HEATR5B: variants seen among roughly 807,000 people sequenced by gnomAD.
The protein encoded by HEATR5B is HEAT repeat-containing protein 5B.
In HEATR5B, 156 loss-of-function variants were observed where a neutral mutation model predicts 224.1. The observed-to-expected ratio is 0.70, with a 90% confidence interval of 0.61 to 0.80. HEATR5B has a LOEUF of 0.80. Among genes scored for constraint, HEATR5B ranks in the 30% least tolerant of loss-of-function variants. HEATR5B has a pLI of 0.00. For synonymous variants in HEATR5B, 1,027 were observed against 893.0 expected (o/e 1.15, Z -2.68); for missense variants, 2,323 against 2,535.5 (o/e 0.92, Z 1.80).
chr2:37,079,744 G>A (rs1376329201), intron 2 of HEATR5B, among the ~76,000 whole-genome samples: 2 of 151,956 alleles, frequency 1.3e-5, no homozygotes, highest in African/African-American at 4.8e-5. Context: ...GAAACCAAAA[G>A]AAACTGAAGA....
At chr2:37,037,521 A>G (rs1315866600) in intron 21 of HEATR5B, among the ~76,000 whole-genome samples, 3 of 152,200 alleles carry the variant, frequency 2.0e-5, no homozygotes, top group Non-Finnish European at 4.4e-5. Context: ...ACACCAGTGA[A>G]TAAAATGAAT....
chr2:37,003,172 C>G (rs1431635961), intron 31 of HEATR5B, among the ~76,000 whole-genome samples: 3 of 148,562 alleles, frequency 2.0e-5, no homozygotes, highest in Non-Finnish European at 4.4e-5. Flanking sequence ...GGAAGATCAC[C>G]TGATCCTGGG....
chr2:37,038,384 C>T (rs1322588486), intron 20 of HEATR5B, among the ~76,000 whole-genome samples: 1 of 152,168 alleles, frequency 6.6e-6, no homozygotes. Context: ...AAATGATCCA[C>T]CCGCCGTGGC....
chr2:37,011,901 A>G (rs1667811579), intron 27 of HEATR5B, among the ~76,000 whole-genome samples: 1 of 152,196 alleles, frequency 6.6e-6, no homozygotes, highest in Admixed American at 6.5e-5. Context: ...AAATGGAATC[A>G]CTGGGTCAGT....
At chr2:37,019,082 CG>C in intron 26 of HEATR5B, among the ~76,000 whole-genome samples, 1 of 151,858 alleles carries the variant, frequency 6.6e-6, no homozygotes, top group Non-Finnish European at 1.5e-5. Context: ...TGCTTGAACC[CG>C]GGAGGCGGAG....
In HEATR5B at chr2:37,002,289, A is replaced by G. The variant is rs753510202; in HGVS notation, c.5317+17T>C. 2 of 1,613,858 alleles carry G rather than the reference A, an allele frequency of 1.2e-6. No homozygotes were observed. Among genetic ancestry groups the G allele is most frequent in the Non-Finnish European group, 1.7e-6 (2 of 1,179,702 alleles). ...ACTGTAATATAATGCATTTCCAAAT[A>G]CTGATCAATACCGTACCAGCGGGTG... On this transcript the variant is annotated intron_variant, in intron 32 of 35. Transcript: ENST00000233099.
chr2:37,065,525 T>C (rs1671536013), intron 9 of HEATR5B, among the ~76,000 whole-genome samples: 1 of 152,132 alleles, frequency 6.6e-6, no homozygotes. Context: ...ACCAGGATGG[T>C]CTTGAACTCC....
chr2:37,036,177 T>C (rs568631176), intron 21 of HEATR5B, among the ~76,000 whole-genome samples: 1 of 152,114 alleles, frequency 6.6e-6, no homozygotes, highest in South Asian at 2.1e-4. Context: ...AAAGTGCAAA[T>C]CTCATTATGT....
rs775150337 is a variant in HEATR5B, at chr2:37,053,607, T to C, written c.2400A>G (p.Arg800=). The C allele has an allele frequency of 6.3e-7, 1 of 1,579,046 alleles. No homozygotes were observed. Among genetic ancestry groups the C allele is most frequent in the African/African-American group, 1.4e-5 (1 of 73,886 alleles). ...VVFPHVSYKH[R]LQMLDHFAEC... is the part of the protein sequence containing the mutation. ...CAGCAAAGTGATCCAACATTTGTAA[T>C]CTATAACAATAAGAAAAAAAAATCA... The change falls in exon 17 of 36, where the codon CGA becomes CGG. Residue 800 remains arginine, a splice_region_variant and synonymous_variant. Transcript: ENST00000233099.
chr2:37,069,903 T>TC (rs1378318027), intron 7 of HEATR5B, among the ~76,000 whole-genome samples: 83 of 150,598 alleles, frequency 5.5e-4, no homozygotes, highest in Non-Finnish European at 8.7e-4. Flanking sequence ...ACAAAATCTT[T>TC]TTTTTTTTTT....
At chr2:37,032,430 T>C (rs888082916) in intron 22 of HEATR5B, among the ~76,000 whole-genome samples, 199 bp downstream of exon 22, 1 of 152,054 alleles carries the variant, frequency 6.6e-6, no homozygotes, top group Non-Finnish European at 1.5e-5. Context: ...TATGCCCAAC[T>C]TGCAAAAATT....
chr2:37,007,337 CTTTTTTTTTTT>C lies in HEATR5B; in HGVS notation c.4523-44_4523-34del, dbSNP rs3080796. 1.4e-4 allele frequency: 169 copies of C among 1,176,102 alleles called. 1 individual carries two copies. Among genetic ancestry groups the C allele is most frequent in the African/African-American group, 1.3e-3 (60 of 46,222 alleles). The allele number at this position is 1,176,102 out of a possible 1,614,324, so 72.9% of individuals were successfully genotyped here. Reference sequence around the variant, plus strand: ...GCAATCAAATCAATTAAAAACATTACTTTTTTTTTTTTTTTTTTTTTTTTGAGACCAAGTCT... The same window carrying C: ...GCAATCAAATCAATTAAAAACATTACTTTTTTTTTTTTTGAGACCAAGTCT... On this transcript the variant is annotated intron_variant, in intron 28 of 35. Coordinates refer to ENST00000233099, the MANE Select transcript of HEATR5B (RefSeq NM_019024.3).
intron 4 of HEATR5B, 113 bp from the exon 5 acceptor site, chr2:37,075,747 C>T (rs146143837): frequency 0.014 from 8,203 of 607,470 alleles, 88 homozygotes; most frequent in Non-Finnish European, 0.019. Flanking sequence ...AAATTATAAA[C>T]GGTAAATAAT....
chr2:37,079,169 C>T lies in HEATR5B; in HGVS notation c.289G>A (p.Asp97Asn), dbSNP rs1389727064. ...GTGTCATCTTTATTTCTGATAATGT[C>T]ATTGCATTTATCAAGTGTCTGAAAA... The part of the protein sequence containing the change: ...TVFQTLDKCN[D>N]IIRNKDDTAA... The change falls in exon 3 of 36, where the codon GAC (aspartate) becomes AAC (asparagine). Residue 97 changes from aspartate (D) to asparagine (N), a missense_variant. Coordinates refer to ENST00000233099, the MANE Select transcript of HEATR5B (RefSeq NM_019024.3). 1 of 1,610,560 alleles carries T rather than the reference C, an allele frequency of 6.2e-7. No individual in the cohort carries two copies. Among genetic ancestry groups the T allele is most frequent in the Non-Finnish European group, 8.5e-7 (1 of 1,177,540 alleles).
At chr2:36,991,874 A>G (rs1434412285) in intron 33 of HEATR5B, among the ~76,000 whole-genome samples, 1 of 152,208 alleles carries the variant, frequency 6.6e-6, no homozygotes, top group Non-Finnish European at 1.5e-5. Context: ...TATGGAATAA[A>G]GGGTTAAGAA....
At chr2:37,041,969 A>C (rs1332695832) in intron 18 of HEATR5B, among the ~76,000 whole-genome samples, 1 of 151,990 alleles carries the variant, frequency 6.6e-6, no homozygotes, top group Non-Finnish European at 1.5e-5. Context: ...ACAGTATTAC[A>C]TAAAATATTT....
chr2:37,045,942 C>T (rs372675486), intron 18 of HEATR5B, among the ~76,000 whole-genome samples: 1 of 152,150 alleles, frequency 6.6e-6, no homozygotes, highest in Non-Finnish European at 1.5e-5. Flanking sequence ...ATTTAAGACA[C>T]AAGGGTAAAT....
At chr2:37,083,862 CCAGAGG>C (rs1672791221) in intron 1 of HEATR5B, among the ~76,000 whole-genome samples, 1 of 152,334 alleles carries the variant, frequency 6.6e-6, no homozygotes, top group South Asian at 2.1e-4. Flanking sequence ...CTGCACCTGG[CCAGAGG>C]GACTGAGGTC....
intron 5 of HEATR5B, among the ~76,000 whole-genome samples, chr2:37,074,349 G>A (rs1443581251): frequency 6.7e-6 from 1 of 149,830 alleles, no homozygotes; most frequent in Non-Finnish European, 1.5e-5. Context: ...AAATGGTACT[G>A]GAAGAAGTGG....
Sources: allele counts gnomAD v4.1 joint callset (sites outside exome capture counted in the v4.1 genomes callset), GRCh38; gene constraint gnomAD v4.1.1; transcripts MANE v1.5; gene names NCBI Gene and HGNC (gene_info 2026-07-23, HGNC 2026-07-21).